AASS: variants seen among roughly 807,000 people sequenced by gnomAD.
The protein encoded by AASS is aminoadipate-semialdehyde synthase, also known as alpha-aminoadipic semialdehyde synthase, mitochondrial.
AASS carries 86 observed loss-of-function variants against 105.4 expected under a neutral mutation model. The observed-to-expected ratio is 0.82, with a 90% CI of 0.69 to 0.98. AASS has a LOEUF of 0.98. Among genes scored for constraint, AASS ranks in the 50% least tolerant of loss-of-function variants. AASS has a pLI of 0.00. For missense variants in AASS, 1,048 were observed against 1,143.2 expected (o/e 0.92, Z 1.20); for synonymous variants, 381 against 394.8 (o/e 0.96, Z 0.41).
In AASS at chr7:122,115,220, A is replaced by G; in HGVS notation, c.897T>C (p.Ile299=). ...ERYISRFNTD[I]APYTTCLING... Reference sequence around the variant, plus strand: ...TAATTAAGCAAGTTGTATAGGGTGCAATCTGTAATGCAAGTTCCAGGTTCA... The same window carrying G: ...TAATTAAGCAAGTTGTATAGGGTGCGATCTGTAATGCAAGTTCCAGGTTCA... The change falls in exon 9 of 24, where the codon ATT becomes ATC. Residue 299 remains isoleucine (I), a splice_region_variant and synonymous_variant. Transcript: ENST00000417368. 3 of 1,614,156 alleles carry G rather than the reference A, an allele frequency of 1.9e-6. No individual in the cohort carries two copies. Among genetic ancestry groups the G allele is most frequent in the Non-Finnish European group, 2.5e-6 (3 of 1,180,016 alleles).
At chr7:122,113,001 C>A (rs1795005561) in intron 11 of AASS, 117 bp downstream of exon 11, 1 of 825,542 alleles carries the variant, frequency 1.2e-6, no homozygotes, top group Non-Finnish European at 2.0e-6. Context: ...CAGGGAAGGG[C>A]TGGCATTTCA....
intron 15 of AASS, among the ~76,000 whole-genome samples, chr7:122,095,671 T>C (rs996137964): frequency 6.6e-6 from 1 of 151,866 alleles, no homozygotes; most frequent in African/African-American, 2.4e-5. Flanking sequence ...TTTATTATAA[T>C]GCAGAATAAA....
In AASS at chr7:122,101,395, T is replaced by C; in HGVS notation, c.1382A>G (p.Tyr461Cys). The change falls in exon 13 of 24, where the codon TAT (tyrosine) becomes TGT (cysteine). Residue 461 changes from tyrosine to cysteine, a missense_variant. By Grantham distance (194) the Tyr-to-Cys change is radical (BLOSUM62 -2). Coordinates refer to ENST00000417368, the MANE Select transcript of AASS (RefSeq NM_005763.4). ...CCTGCTCTCCCGGAGTGTCTGGATATATTTATATTTATCAGGTAATGTACC... is the reference window on the plus strand; with the variant it reads ...CCTGCTCTCCCGGAGTGTCTGGATACATTTATATTTATCAGGTAATGTACC... Reference protein sequence around the residue: ...SNGTLPDKYKYIQTLRESRER... With the variant: ...SNGTLPDKYKCIQTLRESRER... 1.9e-6 allele frequency: 3 copies of C among 1,609,810 alleles called. No homozygotes were observed. Among genetic ancestry groups the C allele is most frequent in the Non-Finnish European group, 1.7e-6 (2 of 1,176,668 alleles).
Position 122,093,123 on chromosome 7 carries a change from T to G in AASS, c.1691A>C (p.Lys564Thr), listed in dbSNP as rs1242002607. Residue 564 changes from lysine to threonine, a missense_variant, in exon 16 of 24, where the codon AAG becomes ACG. Transcript: ENST00000417368. ...GTTAACTTTGTTTGTGATGCAGGCC[T>G]TGGCCACAAGAGGGTGCAATACATA... Reference protein sequence around the residue: ...LPYVLHPLVAKACITNKVNMV... With the variant: ...LPYVLHPLVATACITNKVNMV... 6 of 1,613,838 alleles carry G rather than the reference T, an allele frequency of 3.7e-6. No individual in the cohort carries two copies. Among genetic ancestry groups the G allele is most frequent in the Non-Finnish European group, 5.1e-6 (6 of 1,179,884 alleles).
chr7:122,132,602 C>T (rs368980931), intron 2 of AASS, among the ~76,000 whole-genome samples: 3 of 152,216 alleles, frequency 2.0e-5, no homozygotes, highest in East Asian at 3.9e-4. Flanking sequence ...AACCATGGGA[C>T]GACCAGATGT....
At chr7:122,087,390 T>C (rs1354034599) in intron 18 of AASS, among the ~76,000 whole-genome samples, 2 of 152,194 alleles carry the variant, frequency 1.3e-5, no homozygotes, top group African/African-American at 4.8e-5. Context: ...CCAAGCACCA[T>C]TTAAAATTTC....
At chr7:122,114,115 C>A (rs925926521) in intron 9 of AASS, among the ~76,000 whole-genome samples, 1 of 152,136 alleles carries the variant, frequency 6.6e-6, no homozygotes, top group African/African-American at 2.4e-5. Context: ...ACATAAATCT[C>A]TAGAATTACG....
chr7:122,118,116 TACACATAC>T (rs760667963), intron 6 of AASS, among the ~76,000 whole-genome samples, 183 bp downstream of exon 6: 25 of 151,942 alleles, frequency 1.6e-4, no homozygotes, highest in Admixed American at 2.0e-4. Context: ...TACACACACA[TACACATAC>T]ACACATACAC....
At chr7:122,113,494 C>T in intron 10 of AASS, 104 bp downstream of exon 10, 1 of 1,470,228 alleles carries the variant, frequency 6.8e-7, no homozygotes, top group Non-Finnish European at 9.3e-7. Context: ...TATATCTCTC[C>T]AAATTTTCAT....
chr7:122,091,450 A>C (rs1418522061), intron 18 of AASS, among the ~76,000 whole-genome samples: 1 of 152,192 alleles, frequency 6.6e-6, no homozygotes, highest in Non-Finnish European at 1.5e-5. Flanking sequence ...ACATATATAG[A>C]GAAGTGAATT....
chr7:122,079,319 C>A lies in AASS; in HGVS notation c.2396+278G>T, dbSNP rs1296368244. On this transcript the variant is annotated intron_variant, in intron 21 of 23. Transcript: ENST00000417368. ...TTTCATGTAATATTCTATGACTACTCCAAATCTCCTACAGGAAAGCAAAAA... is the reference window on the plus strand; with the variant it reads ...TTTCATGTAATATTCTATGACTACTACAAATCTCCTACAGGAAAGCAAAAA... 2.2e-6 allele frequency: 3 copies of A among 1,356,572 alleles called. No homozygotes were observed. The African/African-American group carries it at 4.4e-5, about 20-fold the overall frequency. The allele number at this position is 1,356,572 out of a possible 1,614,324, so 84.0% of individuals were successfully genotyped here. A position where few individuals can be genotyped will look rare whatever the true frequency, so the allele number is the denominator to read the frequency against.
At chr7:122,081,389 C>T (rs1036182752) in intron 20 of AASS, 111 bp downstream of exon 20, 8 of 874,200 alleles carry the variant, frequency 9.2e-6, no homozygotes, top group African/African-American at 8.2e-5. Context: ...TCTTCCTGCT[C>T]ATAAGCTAAA....
At chr7:122,078,824 C>A in intron 22 of AASS, 38 bp downstream of exon 22, 1 of 1,569,608 alleles carries the variant, frequency 6.4e-7, no homozygotes, top group South Asian at 1.1e-5. Flanking sequence ...TCTTATGATT[C>A]TTCTTTAGGT....
chr7:122,092,901 C>T lies in AASS; in HGVS notation c.1817G>A (p.Gly606Asp). The change falls in exon 17 of 24, where the codon GGT (glycine) becomes GAT (aspartate). Residue 606 changes from glycine to aspartate, a missense_variant. Coordinates refer to ENST00000417368, the MANE Select transcript of AASS (RefSeq NM_005763.4). Reference protein sequence around the residue: ...TIIGELGLDPGLDHMLAMETI... With the variant: ...TIIGELGLDPDLDHMLAMETI... ...TTCCATTGCTAACATGTGATCCAGA[C>T]CAGGGTCCAATCCCAATTCACCAAT... 1.2e-6 allele frequency: 2 copies of T among 1,613,922 alleles called. No homozygotes were observed. Among genetic ancestry groups the T allele is most frequent in the Non-Finnish European group, 1.7e-6 (2 of 1,179,896 alleles).
chr7:122,120,636 G>A (rs1378487267), intron 4 of AASS, among the ~76,000 whole-genome samples: 1 of 151,582 alleles, frequency 6.6e-6, no homozygotes, highest in Non-Finnish European at 1.5e-5. Context: ...GCTTCTTATA[G>A]TGGAAGCACA....
Position 122,073,622 on chromosome 7 carries a change from A to C in AASS, c.*2867T>G, listed in dbSNP as rs1484887447. On this transcript the variant is annotated 3_prime_UTR_variant, in exon 24 of 24. Coordinates refer to ENST00000417368, the MANE Select transcript of AASS (RefSeq NM_005763.4). ...CACAGTTCAAACATTCAAAGTATAC[A>C]ATTCAGTGGTTTTTAGTATATTCAG... 6.6e-6 allele frequency among the ~76,000 whole-genome samples: 1 copy of C among 152,192 alleles called. No individual in the cohort carries two copies. The highest frequency in any genetic ancestry group is 2.4e-5 in the African/African-American group (1 of 41,464).
chr7:122,142,588 G>A (rs753006117), intron 1 of AASS, among the ~76,000 whole-genome samples: 8 of 152,116 alleles, frequency 5.3e-5, no homozygotes, highest in Non-Finnish European at 8.8e-5. Flanking sequence ...CAGTGAAATA[G>A]GGATGCATCT....
chr7:122,121,529 G>A (rs1221696572), intron 4 of AASS, among the ~76,000 whole-genome samples: 1 of 151,934 alleles, frequency 6.6e-6, no homozygotes, highest in Non-Finnish European at 1.5e-5. Context: ...CAAGCAGCTG[G>A]GATGACAGGC....
At chr7:122,083,767 C>A (rs544522217) in intron 19 of AASS, among the ~76,000 whole-genome samples, 3 of 151,938 alleles carry the variant, frequency 2.0e-5, no homozygotes, top group Non-Finnish European at 2.9e-5. Context: ...TATTAACCTG[C>A]GTCTAGAAGG....
Sources: allele counts gnomAD v4.1 joint callset (sites outside exome capture counted in the v4.1 genomes callset), GRCh38; gene constraint gnomAD v4.1.1; transcripts MANE v1.5; gene names NCBI Gene and HGNC (gene_info 2026-07-23, HGNC 2026-07-21).